Variants in VNN2 observed in about 807,000 individuals in gnomAD.
VNN2 encodes pantetheine hydrolase VNN2.
A neutral mutation model predicts 43.0 loss-of-function variants in VNN2; 43 were observed. That is an observed-to-expected ratio of 1.00 (90% CI 0.78 to 1.29). The LOEUF is 1.29. VNN2 is among the 50% of genes most tolerant of loss of function. The pLI is 0.00. For missense variants in VNN2, 652 were observed against 619.7 expected, an observed-to-expected ratio of 1.05 and a Z score of -0.55; for synonymous variants, 230 against 224.3, an observed-to-expected ratio of 1.03 and a Z score of -0.23.
upstream of VNN2, among the ~76,000 whole-genome samples, chr6:132,760,133 A>T (rs180958931): frequency 3.0e-3 from 454 of 152,240 alleles, 2 homozygotes; most frequent in Middle Eastern, 0.01. Flanking sequence ...TAATGTCTGC[A>T]ACTGAGTGTC....
chr6:132,760,965 G>T (rs893200575), upstream of VNN2, among the ~76,000 whole-genome samples: 6 of 152,206 alleles, frequency 3.9e-5, no homozygotes, highest in South Asian at 1.2e-3. Flanking sequence ...CTGAGAATTT[G>T]AGTAACAAAG....
At chr6:132,755,717 A>C in intron 3 of VNN2, 126 bp downstream of exon 3, 1 of 1,096,762 alleles carries the variant, frequency 9.1e-7, no homozygotes, top group Admixed American at 3.3e-5. Flanking sequence ...AAAAACAAAA[A>C]ACAAAACAAA....
Position 132,756,042 on chromosome 6 carries a change from CAAATT to C in VNN2, c.345-12_345-8del. 6.4e-7 allele frequency: 1 copy of C among 1,551,836 alleles called. No homozygotes were observed. ...TACTGGTGTGTGACCAAATCTAAAC[CAAATT>C]ATAATTAAGAAATTTCAATTTTAAA... On this transcript the variant is annotated splice_region_variant and splice_polypyrimidine_tract_variant and intron_variant, in intron 2 of 6. Coordinates refer to ENST00000326499, the MANE Select transcript of VNN2 (RefSeq NM_004665.6).
upstream of VNN2, chr6:132,758,143 C>A (rs548927374): frequency 1.9e-4 from 63 of 332,198 alleles, no homozygotes; most frequent in African/African-American, 1.3e-3. Context: ...CTCCCAGGTT[C>A]AAGCGATTGT....
At chr6:132,750,573 A>G (rs1285464042) in intron 5 of VNN2, among the ~76,000 whole-genome samples, 1 of 145,056 alleles carries the variant, frequency 6.9e-6, no homozygotes, top group African/African-American at 2.5e-5. Context: ...CTGAGGCATG[A>G]GAATCGCTTG....
intron 3 of VNN2, chr6:132,753,039 T>A (rs1037243738): frequency 2.0e-5 from 6 of 304,060 alleles, no homozygotes; most frequent in East Asian, 1.2e-4. Context: ...AAGCTTTTTT[T>A]AAATTTAATT....
chr6:132,747,984 T>C (rs1049693049), intron 6 of VNN2, among the ~76,000 whole-genome samples: 1 of 152,202 alleles, frequency 6.6e-6, no homozygotes, highest in South Asian at 2.1e-4. Context: ...AGTCCTACTA[T>C]GGGACAATTC....
Position 132,755,952 on chromosome 6 carries a change from T to C in VNN2, c.428A>G (p.Lys143Arg). The C allele has an allele frequency of 6.2e-7, 1 of 1,614,018 alleles. No homozygotes were observed. Among genetic ancestry groups the C allele is most frequent in the Non-Finnish European group, 8.5e-7 (1 of 1,180,020 alleles). The change falls in exon 3 of 7, where the codon AAA becomes AGA. Residue 143 changes from lysine (K) to arginine (R), a missense_variant. Physicochemically the swap from Lys to Arg is conservative, Grantham distance 26. Coordinates refer to ENST00000326499, the MANE Select transcript of VNN2 (RefSeq NM_004665.6). Reference sequence around the variant, plus strand: ...GGAGTCACGGGAATTACATGGCTTTTTGTCCCCCAAATTTGCCAAGACATA... The same window carrying C: ...GGAGTCACGGGAATTACATGGCTTTCTGTCCCCCAAATTTGCCAAGACATA... ...SIYVLANLGD[K>R]KPCNSRDSTC...
chr6:132,751,689 G>A (rs1252092779), intron 4 of VNN2, among the ~76,000 whole-genome samples, 171 bp from the exon 5 acceptor site: 1 of 152,158 alleles, frequency 6.6e-6, no homozygotes, highest in Non-Finnish European at 1.5e-5. Flanking sequence ...TTCTCTAATG[G>A]AAGAGATTAA....
chr6:132,752,348 A>T (rs35980060), intron 4 of VNN2, 113 bp downstream of exon 4: 13,621 of 1,272,216 alleles, frequency 0.011, 105 homozygotes, highest in Non-Finnish European at 0.014. Flanking sequence ...TGAAACTATG[A>T]CAAACACAGT....
At position 132,744,315 on chromosome 6, in the gene VNN2, AT is replaced by A; in HGVS notation, c.1547del (p.Asn516IlefsTer3). 4 of 1,612,282 alleles carry A rather than the reference AT, an allele frequency of 2.5e-6. No homozygotes were observed. Among genetic ancestry groups the A allele is most frequent in the Non-Finnish European group, 3.4e-6 (4 of 1,179,528 alleles). ...FILLMIIALQNIVML is the reference protein window; with the variant it reads ...FILLMIIALQXIVML Reference sequence around the variant, plus strand: ...AAGAGACGCCCTATAACATTACAATATTTTGCAAAGCTATGATCATTAATAA... The same window carrying A: ...AAGAGACGCCCTATAACATTACAATATTTGCAAAGCTATGATCATTAATAA... On this transcript the variant is annotated frameshift_variant, in exon 7 of 7. Transcript: ENST00000326499. LOFTEE classifies it high-confidence loss of function.
chr6:132,746,672 T>C (rs377364501), intron 6 of VNN2, among the ~76,000 whole-genome samples: 1 of 152,182 alleles, frequency 6.6e-6, no homozygotes. Context: ...TTTCCAAGAA[T>C]GCCCAACTCC....
Position 132,752,871 on chromosome 6 carries a change from C to T in VNN2, c.538-122G>A, listed in dbSNP as rs184575638. 2.5e-3 allele frequency: 2,779 copies of T among 1,093,240 alleles called. 10 individuals carry two copies. Among genetic ancestry groups the T allele is most frequent in the South Asian group, 3.7e-3 (228 of 62,098 alleles). 67.7% of individuals were successfully genotyped at this position (1,093,240 alleles called of 1,614,324 possible). On this transcript the variant is annotated intron_variant, in intron 3 of 6. Coordinates refer to ENST00000326499, the MANE Select transcript of VNN2 (RefSeq NM_004665.6). ...CAACTGCAGGGAATCTCCTAGGAAG[C>T]GGATAAATCTGGCAATTGGAAGTAA... is the stretch of plus-strand genomic sequence containing the variant.
At chr6:132,758,532 A>T (rs1304924209), upstream of VNN2, among the ~76,000 whole-genome samples, 1 of 152,142 alleles carries the variant, frequency 6.6e-6, no homozygotes, top group Non-Finnish European at 1.5e-5. Flanking sequence ...TGTTAATAGA[A>T]ACTCATAACT....
At chr6:132,746,837 A>G (rs1779746330) in intron 6 of VNN2, among the ~76,000 whole-genome samples, 1 of 152,120 alleles carries the variant, frequency 6.6e-6, no homozygotes, top group South Asian at 2.1e-4. Context: ...TCGCTTATCT[A>G]TCTTGCAAAT....
At chr6:132,762,765 T>G (rs1216199821), upstream of VNN2, among the ~76,000 whole-genome samples, 3 of 152,242 alleles carry the variant, frequency 2.0e-5, no homozygotes, top group Admixed American at 6.5e-5. Context: ...CTGAAAGCAC[T>G]GCTAGATGGA....
chr6:132,755,998 G>A lies in VNN2; in HGVS notation c.382C>T (p.Leu128=). ...ACATAGATAGAGTTGTCCTTGGCCA[G>A]GCAGCTGAGTCTTGCTTGTACTGGT... ...HTPVQARLSC[L]AKDNSIYVLA... is the part of the protein sequence containing the mutation. Residue 128 remains leucine (L), a synonymous_variant, in exon 3 of 7, where the codon CTG becomes TTG. Transcript: ENST00000326499. The A allele has an allele frequency of 6.2e-7, 1 of 1,613,904 alleles. No individual in the cohort carries two copies.
chr6:132,750,497 G>GTATATA (rs1554217694), intron 5 of VNN2, among the ~76,000 whole-genome samples: 7 of 103,704 alleles, frequency 6.7e-5, no homozygotes, highest in African/African-American at 2.5e-4. Context: ...TTGTATATGT[G>GTATATA]TATATATATA....
intron 3 of VNN2, among the ~76,000 whole-genome samples, chr6:132,754,896 G>A (rs1054678383): frequency 6.6e-6 from 1 of 152,204 alleles, no homozygotes; most frequent in African/African-American, 2.4e-5. Flanking sequence ...GATTATGGCT[G>A]TGCTCAGTGG....
Sources: gnomAD v4.1 joint callset for allele counts (sites outside exome capture counted in the v4.1 genomes callset) on GRCh38, gnomAD v4.1.1 for gene constraint, MANE v1.5 for transcripts, NCBI Gene and HGNC (gene_info 2026-07-23, HGNC 2026-07-21) for gene names.